SCLT1: variants seen among roughly 807,000 people sequenced by gnomAD.
SCLT1 encodes the protein sodium channel-associated protein 1.
Under a neutral mutation model 112.8 loss-of-function variants are expected in SCLT1, and 78 were observed. The observed-to-expected ratio is 0.69, with a 90% CI of 0.58 to 0.83. SCLT1 has a LOEUF of 0.83. Ranked by LOEUF, SCLT1 falls within the 40% of genes least tolerant of loss-of-function variation. SCLT1 has a pLI of 0.00. For missense variants in SCLT1, 747 were observed against 770.4 expected (o/e 0.97, Z 0.36); for synonymous variants, 257 against 254.7 (o/e 1.01, Z -0.09).
At chr4:128,997,096 G>A (rs1015746627) in intron 8 of SCLT1, 3 of 151,930 alleles carry the variant, frequency 2.0e-5, no homozygotes, top group Admixed American at 6.6e-5. Context: ...AAAACTGTAT[G>A]TAATTAGACA....
At chr4:128,878,891 G>C (rs1457821456) in intron 3 of SCLT1, among the ~76,000 whole-genome samples, 2 of 150,534 alleles carry the variant, frequency 1.3e-5, no homozygotes, top group South Asian at 2.1e-4. Flanking sequence ...CTTTGTTCTA[G>C]CAAGTTTTTA....
intron 5 of SCLT1, among the ~76,000 whole-genome samples, chr4:129,027,133 C>G (rs1011909260): frequency 4.0e-4 from 61 of 152,276 alleles, no homozygotes; most frequent in African/African-American, 1.4e-3. Flanking sequence ...CAAGGAGGAA[C>G]TGGTACCATT....
intron 20 of SCLT1, among the ~76,000 whole-genome samples, chr4:128,887,240 T>C (rs1322884964): frequency 6.6e-6 from 1 of 152,298 alleles, no homozygotes; most frequent in African/African-American, 2.4e-5. Flanking sequence ...ATAACCTAAA[T>C]ACATTCTTGC....
intron 5 of SCLT1, among the ~76,000 whole-genome samples, chr4:129,011,854 T>G (rs2126105221): frequency 6.6e-6 from 1 of 152,292 alleles, no homozygotes; most frequent in African/African-American, 2.4e-5. Flanking sequence ...TTGATGGTTG[T>G]TTGTATTTCT....
chr4:129,064,497 A>G (rs928101468), intron 2 of SCLT1, among the ~76,000 whole-genome samples: 3 of 152,108 alleles, frequency 2.0e-5, no homozygotes, highest in Admixed American at 6.5e-5. Flanking sequence ...TCATTTTCGT[A>G]TAAGTTTTGA....
chr4:128,936,798 T>C lies in SCLT1; in HGVS notation c.1686A>G (p.Gln562=), dbSNP rs771139314. 8.1e-6 allele frequency: 13 copies of C among 1,606,512 alleles called. No individual in the cohort carries two copies. The highest frequency in any genetic ancestry group is 2.7e-5 in the African/African-American group (2 of 74,838). Residue 562 remains glutamine, a synonymous_variant, in exon 18 of 21, where the codon CAA becomes CAG. Coordinates refer to ENST00000281142, the MANE Select transcript of SCLT1 (RefSeq NM_144643.4). ...FSIKERGFEV[Q]LREMEDSNRN... The stretch of plus-strand genomic sequence containing the variant: ...TATTACTGTCTTCCATCTCTCTCAA[T>C]TGAACTTCAAATCCACGTTCCTTTA...
At chr4:128,917,398 AT>A (rs1579370745) in intron 18 of SCLT1, among the ~76,000 whole-genome samples, 1 of 152,156 alleles carries the variant, frequency 6.6e-6, no homozygotes, top group Admixed American at 6.6e-5. Flanking sequence ...ATTATTATGT[AT>A]TATTTAAGTG....
rs1753029828 is a variant in SCLT1 at position 129,093,378 on chromosome 4, G to C, written c.-275C>G. 1 of 523,888 alleles carries C rather than the reference G, an allele frequency of 1.9e-6. No individual in the cohort carries two copies. Among genetic ancestry groups the C allele is most frequent in the Non-Finnish European group, 3.4e-6 (1 of 291,308 alleles). 32.5% of individuals were successfully genotyped at this position (523,888 alleles called of 1,614,324 possible). A position where few individuals can be genotyped will look rare whatever the true frequency, so the allele number is the denominator to read the frequency against. On this transcript the variant is annotated 5_prime_UTR_variant, in exon 1 of 21. In the 5' UTR this introduces an upstream ATG that the reference lacks. Coordinates refer to ENST00000281142, the MANE Select transcript of SCLT1 (RefSeq NM_144643.4). Reference sequence around the variant, plus strand: ...ACGCTGGTGGGAAGAGGACGCGGTCGATACAGGCGTCCCGCGGGTCACTCT... The same window carrying C: ...ACGCTGGTGGGAAGAGGACGCGGTCCATACAGGCGTCCCGCGGGTCACTCT...
At chr4:128,905,017 A>G (rs569030488) in intron 18 of SCLT1, among the ~76,000 whole-genome samples, 1 of 152,192 alleles carries the variant, frequency 6.6e-6, no homozygotes, top group Non-Finnish European at 1.5e-5. Flanking sequence ...TAAATATAAC[A>G]TTACAAATTT....
intron 2 of SCLT1, among the ~76,000 whole-genome samples, chr4:129,069,333 T>C (rs368877494): frequency 6.6e-6 from 1 of 152,140 alleles, no homozygotes; most frequent in Admixed American, 6.6e-5. Context: ...TTGATGGGAA[T>C]TGCATGGAAT....
Position 128,884,557 on chromosome 4 carries a change from AATCG to A in SCLT1, c.2005-22_2005-19del. On this transcript the variant is annotated intron_variant, in intron 20 of 20. Transcript: ENST00000281142. ...ACACTGAGCTGCAATTAAAATAAAC[AATCG>A]GTAAGTAGTTACTTTTTCTGTGGAA... 1 of 1,543,896 alleles carries A rather than the reference AATCG, an allele frequency of 6.5e-7. No individual in the cohort carries two copies.
intron 1 of SCLT1, among the ~76,000 whole-genome samples, chr4:129,087,555 T>G (rs1210103214): frequency 6.6e-6 from 1 of 151,248 alleles, no homozygotes; most frequent in Non-Finnish European, 1.5e-5. Context: ...AAGACCAGCC[T>G]GGGTGACAAA....
chr4:129,078,058 CA>C (rs1490569961), intron 2 of SCLT1, among the ~76,000 whole-genome samples: 1 of 152,156 alleles, frequency 6.6e-6, no homozygotes, highest in Non-Finnish European at 1.5e-5. Context: ...TAGGCAGTAA[CA>C]GTATGTTACC....
chr4:129,074,025 G>A (rs754113664), intron 2 of SCLT1, among the ~76,000 whole-genome samples: 4 of 152,048 alleles, frequency 2.6e-5, no homozygotes, highest in Non-Finnish European at 5.9e-5. Context: ...CGTAAGATAT[G>A]CTACATTTTC....
intron 5 of SCLT1, among the ~76,000 whole-genome samples, chr4:129,012,197 C>T (rs544741056): frequency 1.1e-4 from 17 of 152,236 alleles, no homozygotes; most frequent in African/African-American, 4.1e-4. Context: ...TTAACACTGC[C>T]TTAGCTGTGT....
intron 4 of SCLT1, chr4:128,875,084 C>T (rs1277131205): frequency 6.6e-6 from 1 of 152,038 alleles, no homozygotes; most frequent in Non-Finnish European, 1.5e-5. Flanking sequence ...TTACATGACC[C>T]AATCCTGTAT....
intron 18 of SCLT1, among the ~76,000 whole-genome samples, chr4:128,912,420 A>T (rs1198018839): frequency 6.6e-6 from 1 of 152,154 alleles, no homozygotes; most frequent in Non-Finnish European, 1.5e-5. Context: ...TTAAAAATAA[A>T]TTTTTTAACT....
chr4:129,047,283 G>C (rs1464240396), intron 2 of SCLT1, among the ~76,000 whole-genome samples: 2 of 152,068 alleles, frequency 1.3e-5, no homozygotes, highest in Non-Finnish European at 2.9e-5. Context: ...TTACATATGA[G>C]AGTAGTTTGG....
At chr4:128,890,634 C>T (rs1733235394) in intron 19 of SCLT1, among the ~76,000 whole-genome samples, 1 of 152,078 alleles carries the variant, frequency 6.6e-6, no homozygotes, top group African/African-American at 2.4e-5. Context: ...AACTTGAACT[C>T]TTGCTATATT....
Sources: gnomAD v4.1 joint callset for allele counts (sites outside exome capture counted in the v4.1 genomes callset) on GRCh38, gnomAD v4.1.1 for gene constraint, MANE v1.5 for transcripts, NCBI Gene and HGNC (gene_info 2026-07-23, HGNC 2026-07-21) for gene names.